Variants in FAM184B observed in about 807,000 individuals in gnomAD.
FAM184B encodes the protein protein FAM184B.
In FAM184B, 111 loss-of-function variants were observed where a neutral mutation model predicts 135.9. That is an observed-to-expected ratio of 0.82 (90% CI 0.70 to 0.96). FAM184B has a LOEUF of 0.96. Among genes scored for constraint, FAM184B ranks in the 40% least tolerant of loss-of-function variants. The probability of loss-of-function intolerance (pLI) is 0.00; values close to 1 mark genes in which losing one functional copy is unlikely to be tolerated. For synonymous variants in FAM184B, 552 were observed against 524.8 expected, an observed-to-expected ratio of 1.05 and a Z score of -0.71; for missense variants, 1,375 against 1,323.9, an observed-to-expected ratio of 1.04 and a Z score of -0.60.
chr4:17,763,274 T>G (rs1323588004), intron 1 of FAM184B, among the ~76,000 whole-genome samples: 1 of 151,994 alleles, frequency 6.6e-6, no homozygotes, highest in East Asian at 1.9e-4. Context: ...GGACAACACC[T>G]CATAGGCTCA....
At chr4:17,660,184 A>T in intron 8 of FAM184B, 97 bp from the exon 9 acceptor site, 1 of 1,385,380 alleles carries the variant, frequency 7.2e-7, no homozygotes, top group Non-Finnish European at 9.8e-7. Context: ...TGGGAGGAGA[A>T]AGCTCCGATA....
intron 17 of FAM184B, chr4:17,632,946 G>C (rs1715007257): frequency 5.2e-6 from 1 of 193,902 alleles, no homozygotes; most frequent in East Asian, 1.3e-4. Context: ...TTTTGTGACA[G>C]AGTCTCCCTC....
At chr4:17,635,405 CAAAG>C (rs76289727) in intron 15 of FAM184B, among the ~76,000 whole-genome samples, 1,577 of 152,156 alleles carry the variant, frequency 0.01, 49 homozygotes, top group Admixed American at 0.058. Context: ...GTAATTAAGG[CAAAG>C]AAAGAAAACC....
chr4:17,694,777 C>T (rs1020194635), intron 5 of FAM184B, among the ~76,000 whole-genome samples: 1 of 152,110 alleles, frequency 6.6e-6, no homozygotes, highest in Non-Finnish European at 1.5e-5. Context: ...GTGAAAAAGA[C>T]AGGCAGCAAT....
chr4:17,672,397 ACTACG>A (rs1209908926), intron 7 of FAM184B, among the ~76,000 whole-genome samples: 3 of 152,208 alleles, frequency 2.0e-5, no homozygotes, highest in Non-Finnish European at 4.4e-5. Context: ...GACTTCTAGT[ACTACG>A]TTGATGAAGA....
At chr4:17,659,254 T>C (rs1715855598) in intron 9 of FAM184B, among the ~76,000 whole-genome samples, 1 of 151,274 alleles carries the variant, frequency 6.6e-6, no homozygotes, top group African/African-American at 2.4e-5. Flanking sequence ...TACAGGCACA[T>C]GTCACCATGC....
intron 1 of FAM184B, among the ~76,000 whole-genome samples, chr4:17,760,925 T>C (rs1718532194): frequency 6.6e-6 from 1 of 152,198 alleles, no homozygotes; most frequent in African/African-American, 2.4e-5. Context: ...GCTTCCACCT[T>C]GAATGGACAA....
chr4:17,721,792 G>T (rs1434870024), intron 1 of FAM184B, among the ~76,000 whole-genome samples: 1 of 152,126 alleles, frequency 6.6e-6, no homozygotes, highest in Non-Finnish European at 1.5e-5. Flanking sequence ...TCTGGGGGAG[G>T]TCCCGAGATA....
rs1714929853 is a variant in FAM184B at position 17,631,222 on chromosome 4, T to TATA, written c.*1309_*1310insTAT. The stretch of plus-strand genomic sequence containing the variant: ...AGGTTCAGGGGATATATATATATAT[T>TATA]TTTTTAATCTGTAGAGATGGGATCT... On this transcript the variant is annotated 3_prime_UTR_variant, in exon 18 of 18. Coordinates refer to ENST00000265018, the MANE Select transcript of FAM184B (RefSeq NM_015688.2). 6.6e-6 allele frequency: 1 copy of TATA among 152,092 alleles called. No individual in the cohort carries two copies. The highest frequency in any genetic ancestry group is 1.5e-5 in the Non-Finnish European group (1 of 68,016). The allele number at this position is 152,092 out of a possible 1,614,324, so 9.4% of individuals were successfully genotyped here. A position where few individuals can be genotyped will look rare whatever the true frequency, so the allele number is the denominator to read the frequency against.
intron 9 of FAM184B, among the ~76,000 whole-genome samples, chr4:17,658,896 C>G (rs1715844294): frequency 6.6e-6 from 1 of 152,102 alleles, no homozygotes; most frequent in Non-Finnish European, 1.5e-5. Flanking sequence ...AAGGATTCTC[C>G]TGATAGCCCC....
At chr4:17,710,925 A>G (rs1280517987) in intron 1 of FAM184B, among the ~76,000 whole-genome samples, 3 of 152,180 alleles carry the variant, frequency 2.0e-5, no homozygotes, top group Admixed American at 1.3e-4. Context: ...AAACAGAGAT[A>G]AATGTCCAGC....
intron 1 of FAM184B, among the ~76,000 whole-genome samples, chr4:17,719,774 C>T (rs1173330344): frequency 6.6e-6 from 1 of 152,214 alleles, no homozygotes; most frequent in Non-Finnish European, 1.5e-5. Flanking sequence ...CTCAACTTCC[C>T]TATTCCTCTT....
chr4:17,658,616 T>C (rs910881373), intron 9 of FAM184B, 54 bp from the exon 10 acceptor site: 7 of 1,494,482 alleles, frequency 4.7e-6, no homozygotes, highest in African/African-American at 1.4e-5. Context: ...TCCTGGGATG[T>C]TTTCTTCAAA....
intron 5 of FAM184B, among the ~76,000 whole-genome samples, chr4:17,699,814 T>C (rs1003874802): frequency 3.9e-5 from 6 of 152,144 alleles, no homozygotes; most frequent in African/African-American, 1.4e-4. Context: ...AACTTTTTTT[T>C]CTCTAAAATA....
chr4:17,767,193 A>G (rs554309654), intron 1 of FAM184B, among the ~76,000 whole-genome samples: 1 of 152,128 alleles, frequency 6.6e-6, no homozygotes, highest in Non-Finnish European at 1.5e-5. Context: ...CTCTCCCTGC[A>G]CACCTCGTGG....
chr4:17,709,840 A>G (rs1336702351), intron 1 of FAM184B, among the ~76,000 whole-genome samples, 196 bp from the exon 2 acceptor site: 2 of 152,214 alleles, frequency 1.3e-5, no homozygotes, highest in African/African-American at 4.8e-5. Flanking sequence ...GCGACAGGGA[A>G]GGACTTGGAT....
chr4:17,659,808 A>G (rs977170892), intron 9 of FAM184B, 150 bp downstream of exon 9: 3 of 1,121,678 alleles, frequency 2.7e-6, no homozygotes, highest in African/African-American at 3.1e-5. Flanking sequence ...GAATGAATGA[A>G]TAAATAAAAC....
chr4:17,720,278 A>AT (rs1450851768), intron 1 of FAM184B, among the ~76,000 whole-genome samples: 2 of 152,076 alleles, frequency 1.3e-5, no homozygotes, highest in African/African-American at 4.8e-5. Context: ...TTAATTCTGG[A>AT]TTTTTCCTTT....
chr4:17,688,274 G>T, intron 7 of FAM184B, 150 bp downstream of exon 7: 1 of 516,590 alleles, frequency 1.9e-6, no homozygotes, highest in Non-Finnish European at 3.2e-6. Context: ...TGGATTTTGT[G>T]GTGATTTTTT....
Sources: allele counts gnomAD v4.1 joint callset (sites outside exome capture counted in the v4.1 genomes callset), GRCh38; gene constraint gnomAD v4.1.1; transcripts MANE v1.5; gene names NCBI Gene and HGNC (gene_info 2026-07-23, HGNC 2026-07-21).